INSR: variants seen among roughly 807,000 people sequenced by gnomAD.
INSR encodes insulin receptor.
Under a neutral mutation model 142.6 loss-of-function variants are expected in INSR, and 67 were observed. The ratio of observed to expected loss-of-function variants is 0.47; its 90% CI spans 0.39 to 0.58. The LOEUF (loss-of-function observed/expected upper bound fraction) is 0.58, where lower values mean the gene tolerates loss of function less well. Ranked by LOEUF, INSR falls within the 20% of genes least tolerant of loss-of-function variation. The pLI, the probability that INSR is intolerant of heterozygous loss-of-function variation, is 0.00. For missense variants in INSR, 1,248 were observed against 1,833.2 expected (o/e 0.68, Z 5.83); for synonymous variants, 756 against 743.1 (o/e 1.02, Z -0.28).
chr19:7,137,475 T>C lies in INSR; in HGVS notation c.2682+4202A>G, dbSNP rs533138376. On this transcript the variant is annotated intron_variant, in intron 13 of 21. Transcript: ENST00000302850. ...GACAACCAGGGGCTACTGGGCTCAC[T>C]GCCAGGAGCCGTTAAGATGCAACTG... is the stretch of plus-strand genomic sequence containing the variant. 1.2e-4 allele frequency among the ~76,000 whole-genome samples: 18 copies of C among 152,104 alleles called. No individual in the cohort carries two copies. The East Asian group carries it at 3.3e-3, about 28-fold the overall frequency.
chr19:7,249,490 C>T (rs911234771), intron 2 of INSR, among the ~76,000 whole-genome samples: 1 of 152,176 alleles, frequency 6.6e-6, no homozygotes, highest in Non-Finnish European at 1.5e-5. Context: ...TACCGCAGAA[C>T]CGAATTCCCA....
At chr19:7,151,059 CTTTTCT>C (rs1302084382) in intron 10 of INSR, among the ~76,000 whole-genome samples, 1 of 65,036 alleles carries the variant, frequency 1.5e-5, no homozygotes, top group Admixed American at 1.4e-4. Flanking sequence ...CTTTCTCTTT[CTTTTCT>C]TTCTTTTCCT....
At chr19:7,162,872 T>G (rs1040124016) in intron 9 of INSR, among the ~76,000 whole-genome samples, 160 bp downstream of exon 9, 1 of 150,922 alleles carries the variant, frequency 6.6e-6, no homozygotes, top group Non-Finnish European at 1.5e-5. Flanking sequence ...GATAAAAACA[T>G]GTATGTGTGT....
chr19:7,152,590 G>T (rs1973400644), intron 10 of INSR, 136 bp downstream of exon 10: 1 of 796,594 alleles, frequency 1.3e-6, no homozygotes, highest in African/African-American at 1.7e-5. Flanking sequence ...CTCCACCCAG[G>T]AAAGGGCTCC....
At chr19:7,233,749 C>T (rs1455717645) in intron 2 of INSR, among the ~76,000 whole-genome samples, 1 of 147,056 alleles carries the variant, frequency 6.8e-6, no homozygotes, top group Non-Finnish European at 1.5e-5. Flanking sequence ...GATCTCCGCT[C>T]ACTGCAAGCT....
intron 2 of INSR, among the ~76,000 whole-genome samples, chr19:7,193,440 G>A (rs2145016597): frequency 6.6e-6 from 1 of 151,422 alleles, no homozygotes; most frequent in South Asian, 2.1e-4. Context: ...TGAACCTGGG[G>A]AGCGGAAGTT....
At chr19:7,131,885 G>A (rs886257192) in intron 14 of INSR, among the ~76,000 whole-genome samples, 3 of 151,464 alleles carry the variant, frequency 2.0e-5, no homozygotes, top group African/African-American at 7.3e-5. Flanking sequence ...TGTAGTCCCA[G>A]CTACTGTGAG....
chr19:7,187,956 C>A (rs1372359907), intron 2 of INSR, among the ~76,000 whole-genome samples: 1 of 152,152 alleles, frequency 6.6e-6, no homozygotes. Flanking sequence ...CAACTCCCTA[C>A]AGGCCTTGGG....
At chr19:7,198,266 C>T (rs1159194851) in intron 2 of INSR, among the ~76,000 whole-genome samples, 8 of 151,384 alleles carry the variant, frequency 5.3e-5, no homozygotes, top group African/African-American at 1.7e-4. Flanking sequence ...CTGGCCCCGC[C>T]CCCCGGGTGC....
chr19:7,158,691 C>T (rs1973675415), intron 9 of INSR, among the ~76,000 whole-genome samples: 1 of 152,084 alleles, frequency 6.6e-6, no homozygotes, highest in African/African-American at 2.4e-5. Flanking sequence ...AATGGCCGCA[C>T]AACCACGGCA....
chr19:7,133,966 G>A (rs1972846771), intron 13 of INSR, among the ~76,000 whole-genome samples: 1 of 152,170 alleles, frequency 6.6e-6, no homozygotes, highest in Non-Finnish European at 1.5e-5. Context: ...ATAGCTTACT[G>A]ACTGACCCCT....
At chr19:7,272,306 A>C (rs986636231) in intron 1 of INSR, among the ~76,000 whole-genome samples, 1 of 151,984 alleles carries the variant, frequency 6.6e-6, no homozygotes, top group Non-Finnish European at 1.5e-5. Flanking sequence ...CTCCGTCTCT[A>C]AATAAATAAA....
At chr19:7,229,268 T>C (rs1975886871) in intron 2 of INSR, among the ~76,000 whole-genome samples, 1 of 139,220 alleles carries the variant, frequency 7.2e-6, no homozygotes, top group Non-Finnish European at 1.5e-5. Context: ...GATGGATGGA[T>C]GGATGGGCAG....
At chr19:7,288,984 A>G (rs1056824450) in intron 1 of INSR, among the ~76,000 whole-genome samples, 6 of 150,718 alleles carry the variant, frequency 4.0e-5, no homozygotes, top group Non-Finnish European at 8.8e-5. Context: ...AGCTGAGAGA[A>G]GATTAAAGGA....
intron 2 of INSR, among the ~76,000 whole-genome samples, chr19:7,194,985 C>G (rs894923625): frequency 2.0e-5 from 3 of 152,026 alleles, no homozygotes; most frequent in Non-Finnish European, 4.4e-5. Flanking sequence ...CCCCTGTCCT[C>G]GAGACATCCA....
chr19:7,155,734 G>A (rs995505123), intron 9 of INSR, among the ~76,000 whole-genome samples: 1 of 151,594 alleles, frequency 6.6e-6, no homozygotes, highest in Non-Finnish European at 1.5e-5. Context: ...CCAACAAGAT[G>A]AAACTCCGTC....
Position 7,268,451 on chromosome 19 carries a change from A to G in INSR, c.101-555T>C, listed in dbSNP as rs1276421776. 7 of 985,246 alleles carry G rather than the reference A, an allele frequency of 7.1e-6. No homozygotes were observed. In the East Asian group the frequency reaches 6.8e-4, roughly 96 times the overall value. 61.0% of individuals were successfully genotyped at this position (985,246 alleles called of 1,614,324 possible). On this transcript the variant is annotated intron_variant, in intron 1 of 21. Transcript: ENST00000302850. ...GGGCTTCCCAGGGAGCCCGATCTCC[A>G]TTGCCCAAATGCCCTGAGTTCTCAT...
At chr19:7,161,668 C>A (rs1307557906) in intron 9 of INSR, among the ~76,000 whole-genome samples, 1 of 152,098 alleles carries the variant, frequency 6.6e-6, no homozygotes, top group Admixed American at 6.6e-5. Context: ...TTGTCAATAA[C>A]CATTAGTTGT....
chr19:7,244,519 C>T (rs112638915), intron 2 of INSR, among the ~76,000 whole-genome samples: 6,977 of 131,046 alleles, frequency 0.053, 431 homozygotes, highest in African/African-American at 0.17. Flanking sequence ...GGTGACAGGG[C>T]GAGACTCTGT....
Sources: gnomAD v4.1 joint callset for allele counts (sites outside exome capture counted in the v4.1 genomes callset) on GRCh38, gnomAD v4.1.1 for gene constraint, MANE v1.5 for transcripts, NCBI Gene and HGNC (gene_info 2026-07-23, HGNC 2026-07-21) for gene names.